The following CACNG2 variants were observed in gnomAD, a reference collection of about 807,000 sequenced individuals.
CACNG2 encodes voltage-dependent calcium channel gamma-2 subunit.
In CACNG2, 3 loss-of-function variants were observed where a neutral mutation model predicts 25.9. That is an observed-to-expected ratio of 0.12 (90% confidence interval 0.05 to 0.30). The LOEUF (loss-of-function observed/expected upper bound fraction) is 0.30. Among genes scored for constraint, CACNG2 ranks in the 10% least tolerant of loss-of-function variants. The pLI is 1.00. For missense variants in CACNG2, 341 were observed against 432.5 expected (o/e 0.79, Z 1.88); for synonymous variants, 167 against 173.3 (o/e 0.96, Z 0.29).
intron 1 of CACNG2, among the ~76,000 whole-genome samples, chr22:36,628,609 C>A (rs923584354): frequency 2.6e-5 from 4 of 152,182 alleles, no homozygotes; most frequent in African/African-American, 9.7e-5. Flanking sequence ...TCTGTAATTT[C>A]GGTTCCATGG....
intron 1 of CACNG2, among the ~76,000 whole-genome samples, chr22:36,655,287 T>C (rs1028153517): frequency 6.6e-6 from 1 of 152,230 alleles, no homozygotes; most frequent in Admixed American, 6.5e-5. Flanking sequence ...AAATAGTTTC[T>C]ATAAGGAGAA....
At position 36,563,433 on chromosome 22, in the gene CACNG2, C is replaced by T. The variant is rs929702510; in HGVS notation, c.*918G>A. On this transcript the variant is annotated 3_prime_UTR_variant, in exon 4 of 4. Coordinates refer to ENST00000300105, the MANE Select transcript of CACNG2 (RefSeq NM_006078.5). ...TGGGGACATGACCCCAAGAGGCTCACCCTGAGGATTCCGGGGTTTCCGGCA... is the reference window on the plus strand; with the variant it reads ...TGGGGACATGACCCCAAGAGGCTCATCCTGAGGATTCCGGGGTTTCCGGCA... Among the ~76,000 whole-genome samples, 2 of 152,086 alleles carry T rather than the reference C, an allele frequency of 1.3e-5. No individual in the cohort carries two copies. The highest frequency in any genetic ancestry group is 2.4e-5 in the African/African-American group (1 of 41,436).
rs574522910 is a variant in CACNG2 at position 36,675,217 on chromosome 22, CT to C, written c.211+27148del. Among the ~76,000 whole-genome samples the C allele has an allele frequency of 1.8e-3, 269 of 151,594 alleles. 2 individuals carry two copies. The highest frequency in any genetic ancestry group is 6.2e-3 in the African/African-American group (258 of 41,374). On this transcript the variant is annotated intron_variant, in intron 1 of 3. Transcript: ENST00000300105. ...ATACCCAGCTATTTTTTTTCTTTTT[CT>C]TTTTTTTGTAGAGATGCAGTCTCAC...
chr22:36,624,263 C>T (rs183839562), intron 1 of CACNG2, among the ~76,000 whole-genome samples: 1 of 152,352 alleles, frequency 6.6e-6, no homozygotes, highest in East Asian at 1.9e-4. Context: ...AGGCTTCTCT[C>T]ACCTTCCCAG....
Position 36,606,967 on chromosome 22 carries a change from A to G in CACNG2, c.212-19419T>C, listed in dbSNP as rs1402428355. Reference sequence around the variant, plus strand: ...ATGGGTGTGTGTAGGTATTATGTGTATGTCTGTGTGTGGTGTGTTTGTATG... The same window carrying G: ...ATGGGTGTGTGTAGGTATTATGTGTGTGTCTGTGTGTGGTGTGTTTGTATG... On this transcript the variant is annotated intron_variant, in intron 1 of 3. Transcript: ENST00000300105. This position sits in a 1 kb window ranked among gnomAD's most constrained non-coding sequence, Gnocchi z 5.7. Among the ~76,000 whole-genome samples, 1 of 149,422 alleles carries G rather than the reference A, an allele frequency of 6.7e-6. No individual in the cohort carries two copies. The highest frequency in any genetic ancestry group is 2.5e-5 in the African/African-American group (1 of 40,408).
intron 1 of CACNG2, among the ~76,000 whole-genome samples, chr22:36,611,619 A>ATTC (rs1311831067): frequency 6.6e-6 from 1 of 152,114 alleles, no homozygotes; most frequent in African/African-American, 2.4e-5. Flanking sequence ...GCACCCCGAA[A>ATTC]TGCCCCTTCT....
chr22:36,626,229 A>C (rs766187609), intron 1 of CACNG2, among the ~76,000 whole-genome samples: 2 of 152,116 alleles, frequency 1.3e-5, no homozygotes, highest in African/African-American at 2.4e-5. Context: ...GACACCTTTA[A>C]AATTAGTATC....
intron 1 of CACNG2, among the ~76,000 whole-genome samples, chr22:36,639,757 C>T (rs1273526716): frequency 4.6e-5 from 7 of 152,172 alleles, no homozygotes; most frequent in African/African-American, 1.7e-4. Flanking sequence ...ACTGCTCAAC[C>T]CTTCTCTCCC....
intron 1 of CACNG2, among the ~76,000 whole-genome samples, chr22:36,643,274 T>TCCTTCCTC (rs927764000): frequency 6.6e-6 from 1 of 151,070 alleles, no homozygotes; most frequent in African/African-American, 2.4e-5. Flanking sequence ...TTTCCTTCCT[T>TCCTTCCTC]CCTTCCTCCC....
chr22:36,660,543 T>G (rs1360047246), intron 1 of CACNG2, among the ~76,000 whole-genome samples: 1 of 152,272 alleles, frequency 6.6e-6, no homozygotes, highest in East Asian at 1.9e-4. Context: ...CAAGAGGAAT[T>G]GAGCACACTG....
Position 36,669,319 on chromosome 22 carries a change from C to T in CACNG2, c.211+33047G>A, listed in dbSNP as rs142765344. Among the ~76,000 whole-genome samples, 1,419 of 151,146 alleles carry T rather than the reference C, an allele frequency of 9.4e-3. 33 individuals are homozygous for T. Among genetic ancestry groups the T allele is most frequent in the African/African-American group, 0.033 (1,356 of 41,046 alleles). On this transcript the variant is annotated intron_variant, in intron 1 of 3. Coordinates refer to ENST00000300105, the MANE Select transcript of CACNG2 (RefSeq NM_006078.5). ...GAGTTTGAGACCAGCCTGGCCAACA[C>T]GGTGACACCCCATCTCTACTAAAAA...
intron 2 of CACNG2, among the ~76,000 whole-genome samples, chr22:36,573,758 A>C (rs562819244): frequency 2.6e-5 from 4 of 152,340 alleles, no homozygotes; most frequent in African/African-American, 4.8e-5. Context: ...TAACCACTGC[A>C]TTCCCTTCTT....
intron 1 of CACNG2, among the ~76,000 whole-genome samples, chr22:36,642,443 C>T (rs1936453838): frequency 6.6e-6 from 1 of 152,192 alleles, no homozygotes; most frequent in Non-Finnish European, 1.5e-5. Context: ...AAGGATCCAG[C>T]CCTTCCCAGG....
chr22:36,643,647 G>A (rs986919085), intron 1 of CACNG2, among the ~76,000 whole-genome samples: 29 of 152,156 alleles, frequency 1.9e-4, no homozygotes, highest in African/African-American at 6.5e-4. Context: ...CAATGGGCAG[G>A]TCTTAGCATC....
chr22:36,591,242 T>C (rs9607360), intron 1 of CACNG2, among the ~76,000 whole-genome samples: 57,810 of 151,734 alleles, frequency 0.38, 11,845 homozygotes, highest in African/African-American at 0.54. Flanking sequence ...GGGGTTTCAC[T>C]GTGGTCTCGA....
intron 1 of CACNG2, among the ~76,000 whole-genome samples, chr22:36,591,339 G>GA (rs1488961514): frequency 7.2e-5 from 11 of 152,100 alleles, no homozygotes; most frequent in African/African-American, 2.7e-4. Flanking sequence ...TAAGGGGGGA[G>GA]ATATTAAAGC....
intron 1 of CACNG2, among the ~76,000 whole-genome samples, chr22:36,673,598 G>A (rs1176213261): frequency 6.6e-6 from 1 of 152,026 alleles, no homozygotes; most frequent in Non-Finnish European, 1.5e-5. Context: ...GAGAGGACAA[G>A]GAGGAGGTCT....
rs763253659 is a variant in CACNG2 at position 36,564,890 on chromosome 22, C to T, written c.437-4G>A. The T allele has an allele frequency of 1.9e-6, 3 of 1,610,842 alleles. No homozygotes were observed. In the South Asian group the frequency reaches 3.3e-5, roughly 18 times the overall value. On this transcript the variant is annotated splice_polypyrimidine_tract_variant and splice_region_variant and intron_variant, in intron 3 of 3. Transcript: ENST00000300105. The surrounding 1 kb of genome is among the most constrained non-coding windows in gnomAD (Gnocchi z 6.7). ...ATGCCAATGATGTTACTCAGACCTG[C>T]GGGGCGCAGGGTGGCGGGGTGGGGG...
In CACNG2 at chr22:36,564,725, T is replaced by C. The variant is rs989827080; in HGVS notation, c.598A>G (p.Met200Val). 6.2e-7 allele frequency: 1 copy of C among 1,613,932 alleles called. No homozygotes were observed. Among genetic ancestry groups the C allele is most frequent in the African/African-American group, 1.3e-5 (1 of 74,880 alleles). Residue 200 changes from methionine (M) to valine (V), a missense_variant, in exon 4 of 4, where the codon ATG becomes GTG. Met to Val is a conservative substitution (Grantham distance 21, BLOSUM62 1). This residue lies in a region of CACNG2 where 172 missense variants were observed against 178.1 expected (regional missense o/e 0.97). Coordinates refer to ENST00000300105, the MANE Select transcript of CACNG2 (RefSeq NM_006078.5). The surrounding 1 kb of genome is among the most constrained non-coding windows in gnomAD (Gnocchi z 6.7). ...AGCTGTTTGTGCCGGTCGATAAACA[T>C]GTGCACCGCCAGCACCCCGACCATC... ...AEMVGVLAVHMFIDRHKQLRA... is the reference protein window; with the variant it reads ...AEMVGVLAVHVFIDRHKQLRA...
Sources: gnomAD v4.1 joint callset for allele counts (sites outside exome capture counted in the v4.1 genomes callset) on GRCh38, gnomAD v4.1.1 for gene constraint, gnomAD v4.1.1 regional missense constraint, Gnocchi (gnomAD v3.1) non-coding constraint, MANE v1.5 for transcripts, NCBI Gene and HGNC (gene_info 2026-07-23, HGNC 2026-07-21) for gene names.